ADAMTS2: variants seen among roughly 807,000 people sequenced by gnomAD.
ADAMTS2 encodes A disintegrin and metalloproteinase with thrombospondin motifs 2.
A neutral mutation model predicts 123.0 loss-of-function variants in ADAMTS2; 50 were observed. The ratio of observed to expected loss-of-function variants is 0.41; its 90% CI spans 0.32 to 0.51. The LOEUF (loss-of-function observed/expected upper bound fraction) is 0.51. Among genes scored for constraint, ADAMTS2 ranks in the 20% least tolerant of loss-of-function variants. The pLI is 0.35. For missense variants in ADAMTS2, 1,494 were observed against 1,705.2 expected (o/e 0.88, Z 2.18); for synonymous variants, 678 against 695.4 (o/e 0.98, Z 0.39).
At chr5:179,327,539 A>G (rs1757347590) in intron 2 of ADAMTS2, among the ~76,000 whole-genome samples, 2 of 152,172 alleles carry the variant, frequency 1.3e-5, no homozygotes, top group African/African-American at 4.8e-5. Flanking sequence ...CTTGACTGAA[A>G]GGGAAGGTCA....
intron 8 of ADAMTS2, 94 bp from the exon 9 acceptor site, chr5:179,153,717 G>A: frequency 6.7e-7 from 1 of 1,493,632 alleles, no homozygotes. Context: ...AGCTGCCATG[G>A]CAGCCCTACC....
At chr5:179,244,184 A>C (rs1162919475) in intron 3 of ADAMTS2, among the ~76,000 whole-genome samples, 1 of 142,934 alleles carries the variant, frequency 7.0e-6, no homozygotes, top group African/African-American at 2.6e-5. Flanking sequence ...CAAACTTCAA[A>C]CGGGATAAAT....
intron 11 of ADAMTS2, among the ~76,000 whole-genome samples, chr5:179,138,223 C>A (rs186447325): frequency 1.3e-5 from 2 of 152,286 alleles, no homozygotes; most frequent in East Asian, 3.9e-4. Context: ...TGCTCACAGC[C>A]CTGGTGCCAC....
intron 4 of ADAMTS2, among the ~76,000 whole-genome samples, chr5:179,193,320 A>G (rs913638574): frequency 1.3e-5 from 2 of 152,142 alleles, no homozygotes; most frequent in African/African-American, 4.8e-5. Context: ...GCCTACGCCG[A>G]GTACTTCCCC....
chr5:179,221,563 G>A (rs1217586121), intron 3 of ADAMTS2, among the ~76,000 whole-genome samples: 2 of 152,160 alleles, frequency 1.3e-5, no homozygotes, highest in Non-Finnish European at 2.9e-5. Context: ...CCCATGCTGG[G>A]GGTGGAAGGG....
At chr5:179,208,096 G>T (rs934162245) in intron 3 of ADAMTS2, among the ~76,000 whole-genome samples, 2 of 43,802 alleles carry the variant, frequency 4.6e-5, no homozygotes, top group South Asian at 8.1e-4. Context: ...CCATGGAGAG[G>T]TCGGGAACCT....
At chr5:179,169,507 A>G (rs1763773647) in intron 5 of ADAMTS2, among the ~76,000 whole-genome samples, 1 of 152,138 alleles carries the variant, frequency 6.6e-6, no homozygotes, top group Non-Finnish European at 1.5e-5. Context: ...TGGATGGAGG[A>G]TGATGTGGGT....
intron 2 of ADAMTS2, among the ~76,000 whole-genome samples, chr5:179,315,366 C>T (rs1486864555): frequency 4.0e-5 from 3 of 75,074 alleles, no homozygotes; most frequent in African/African-American, 1.4e-4. Flanking sequence ...GCTGACTGCA[C>T]TCCTGCCAGT....
rs1441080532 is a variant in ADAMTS2 at position 179,336,783 on chromosome 5, C to T, written c.534+6984G>A. Among the ~76,000 whole-genome samples the T allele has an allele frequency of 2.6e-5, 4 of 152,140 alleles. No individual in the cohort carries two copies. The East Asian group carries it at 5.8e-4, about 22-fold the overall frequency. The stretch of plus-strand genomic sequence containing the variant: ...GGTTCTCAGGATCGTGGTGCTTGTC[C>T]ACCCTGCCGGTCACGAGGAGCACAG... On this transcript the variant is annotated intron_variant, in intron 2 of 21. Coordinates refer to ENST00000251582, the MANE Select transcript of ADAMTS2 (RefSeq NM_014244.5).
At chr5:179,114,387 A>C (rs934159753) in intron 21 of ADAMTS2, 63 bp from the exon 22 acceptor site, 1 of 1,522,922 alleles carries the variant, frequency 6.6e-7, no homozygotes, top group Non-Finnish European at 8.9e-7. Context: ...GTTCCCCCAC[A>C]GGGTGCAGCT....
intron 4 of ADAMTS2, among the ~76,000 whole-genome samples, chr5:179,200,518 G>C (rs1304378437): frequency 6.6e-6 from 1 of 152,114 alleles, no homozygotes; most frequent in African/African-American, 2.4e-5. Context: ...CAAAGTCCTA[G>C]GATTACAGGT....
At chr5:179,131,300 G>A (rs1199072798) in intron 15 of ADAMTS2, among the ~76,000 whole-genome samples, 6 of 95,582 alleles carry the variant, frequency 6.3e-5, no homozygotes, top group Admixed American at 1.5e-4. Flanking sequence ...GCGACAGAGC[G>A]AGACTCAAAA....
intron 19 of ADAMTS2, among the ~76,000 whole-genome samples, chr5:179,123,709 G>A (rs1046876146): frequency 3.9e-5 from 6 of 152,252 alleles, no homozygotes; most frequent in Admixed American, 2.0e-4. Context: ...GATCACTGGC[G>A]TAAGCCACTG....
intron 2 of ADAMTS2, among the ~76,000 whole-genome samples, chr5:179,306,861 C>T (rs1298893523): frequency 6.6e-6 from 1 of 152,194 alleles, no homozygotes; most frequent in African/African-American, 2.4e-5. Flanking sequence ...GATCGAGTCT[C>T]ATAGCACCAA....
intron 4 of ADAMTS2, among the ~76,000 whole-genome samples, chr5:179,206,827 G>C (rs533970370): frequency 6.6e-6 from 1 of 152,234 alleles, no homozygotes; most frequent in Admixed American, 6.5e-5. Context: ...TGGAATGAGG[G>C]GGAGGTGGTT....
Position 179,155,362 on chromosome 5 carries a change from C to A in ADAMTS2, c.1133-443G>T, listed in dbSNP as rs72818606. 7.4e-3 allele frequency among the ~76,000 whole-genome samples: 1,131 copies of A among 152,340 alleles called. 5 individuals carry two copies. Among genetic ancestry groups the A allele is most frequent in the Non-Finnish European group, 0.013 (913 of 68,032 alleles). On this transcript the variant is annotated intron_variant, in intron 6 of 21. Transcript: ENST00000251582. This position sits in a 1 kb window ranked among gnomAD's most constrained non-coding sequence, Gnocchi z 5.1. The stretch of plus-strand genomic sequence containing the variant: ...ATCCTGCCCCTCGTCTGCCTGGTAT[C>A]ACACCCTCCAAGCCCACCTCCTCTG...
At chr5:179,207,283 A>G (rs892651557) in intron 4 of ADAMTS2, among the ~76,000 whole-genome samples, 1 of 152,224 alleles carries the variant, frequency 6.6e-6, no homozygotes, top group South Asian at 2.1e-4. Context: ...GAAGAGCCTC[A>G]CCAAGTTACC....
In ADAMTS2 at chr5:179,272,893, C is replaced by T. The variant is rs1267693348; in HGVS notation, c.688+18G>A. 3 of 1,605,504 alleles carry T rather than the reference C, an allele frequency of 1.9e-6. No individual in the cohort carries two copies. Among genetic ancestry groups the T allele is most frequent in the African/African-American group, 1.3e-5 (1 of 75,016 alleles). ...CAGAGGGCTCTCCACACAGCCTGCCCACCTGCAGTAGCCTCACCTGTGTCC... is the reference window on the plus strand; with the variant it reads ...CAGAGGGCTCTCCACACAGCCTGCCTACCTGCAGTAGCCTCACCTGTGTCC... On this transcript the variant is annotated intron_variant, in intron 3 of 21. Transcript: ENST00000251582. The surrounding 1 kb of genome is among the most constrained non-coding windows in gnomAD (Gnocchi z 5.8).
In ADAMTS2 at chr5:179,153,477, G is replaced by A; in HGVS notation, c.1515+14C>T. ...AGACCTGGGAGGGTCCCGGCTGCAG[G>A]GCTGCACACTCACCGCCGTGCACAT... is the stretch of plus-strand genomic sequence containing the variant. On this transcript the variant is annotated intron_variant, in intron 9 of 21. Transcript: ENST00000251582. 13 of 1,606,700 alleles carry A rather than the reference G, an allele frequency of 8.1e-6. No individual in the cohort carries two copies. The highest frequency in any genetic ancestry group is 1.1e-5 in the Non-Finnish European group (13 of 1,179,844).
Sources: allele counts gnomAD v4.1 joint callset (sites outside exome capture counted in the v4.1 genomes callset), GRCh38; gene constraint gnomAD v4.1.1; non-coding constraint Gnocchi (gnomAD v3.1); transcripts MANE v1.5; gene names NCBI Gene and HGNC (gene_info 2026-07-23, HGNC 2026-07-21).